ZNF407: variants seen among roughly 807,000 people sequenced by gnomAD.
ZNF407 encodes zinc finger protein 407.
A neutral mutation model predicts 131.2 loss-of-function variants in ZNF407; 17 were observed. That is an observed-to-expected ratio of 0.13 (90% CI 0.09 to 0.19). The LOEUF is 0.19. ZNF407 is among the 10% of genes least tolerant of loss of function. The pLI is 1.00. For synonymous variants in ZNF407, 1,156 were observed against 1,062.0 expected (o/e 1.09, Z -1.72); for missense variants, 2,681 against 2,830.6 (o/e 0.95, Z 1.20).
chr18:75,010,165 TA>T (rs1568299786), intron 8 of ZNF407, among the ~76,000 whole-genome samples: 1 of 152,200 alleles, frequency 6.6e-6, no homozygotes, highest in African/African-American at 2.4e-5. Context: ...TGTTTGCTAA[TA>T]AAGGACAACC....
chr18:74,724,770 T>TA (rs1968118442), intron 3 of ZNF407, among the ~76,000 whole-genome samples: 1 of 152,210 alleles, frequency 6.6e-6, no homozygotes, highest in Non-Finnish European at 1.5e-5. Context: ...CACAGTTTTT[T>TA]GCCTTTATAT....
intron 3 of ZNF407, among the ~76,000 whole-genome samples, chr18:74,692,449 TG>T (rs1213359229): frequency 1.3e-5 from 2 of 152,104 alleles, no homozygotes; most frequent in African/African-American, 2.4e-5. Context: ...ATCTTGCTTT[TG>T]GTCAGTGGCA....
Position 75,031,792 on chromosome 18 carries a change from G to T in ZNF407, c.5429-31358G>T, listed in dbSNP as rs139152043. On this transcript the variant is annotated intron_variant, in intron 8 of 8. Coordinates refer to ENST00000299687, the MANE Select transcript of ZNF407 (RefSeq NM_017757.3). ...AAGTTGTACACAAGGTAATGTTCCAGGAATTGTGGGCAATTACAGGATTTC... is the reference window on the plus strand; with the variant it reads ...AAGTTGTACACAAGGTAATGTTCCATGAATTGTGGGCAATTACAGGATTTC... Among the ~76,000 whole-genome samples, 34 of 152,254 alleles carry T rather than the reference G, an allele frequency of 2.2e-4. No individual in the cohort carries two copies. In the East Asian group the frequency reaches 2.7e-3, roughly 12 times the overall value.
chr18:74,648,298 G>T (rs1448726283), intron 3 of ZNF407, among the ~76,000 whole-genome samples: 1 of 152,150 alleles, frequency 6.6e-6, no homozygotes. Context: ...TGGCGTGCGG[G>T]ATGTGCACGA....
At chr18:74,820,152 G>A (rs938237420) in intron 4 of ZNF407, among the ~76,000 whole-genome samples, 3 of 152,214 alleles carry the variant, frequency 2.0e-5, no homozygotes, top group Admixed American at 6.5e-5. Flanking sequence ...GAAGCAGTTG[G>A]AAGACAGGAC....
intron 3 of ZNF407, among the ~76,000 whole-genome samples, chr18:74,728,800 T>C (rs1382878587): frequency 1.3e-5 from 2 of 152,108 alleles, no homozygotes; most frequent in Non-Finnish European, 2.9e-5. Flanking sequence ...CTGGGGAGGC[T>C]CATCACAAGG....
chr18:74,648,473 T>C (rs995970096), intron 3 of ZNF407, among the ~76,000 whole-genome samples: 1 of 152,176 alleles, frequency 6.6e-6, no homozygotes, highest in Non-Finnish European at 1.5e-5. Context: ...TTTTTTCGCT[T>C]GTCTTTCTTC....
intron 4 of ZNF407, among the ~76,000 whole-genome samples, chr18:74,855,162 A>ACAAG (rs1800832617): frequency 6.6e-6 from 1 of 152,204 alleles, no homozygotes; most frequent in African/African-American, 2.4e-5. Context: ...TGGCCTCAGT[A>ACAAG]CAAGACATTT....
intron 3 of ZNF407, among the ~76,000 whole-genome samples, chr18:74,691,554 T>G (rs906291996): frequency 2.6e-5 from 4 of 152,034 alleles, no homozygotes; most frequent in Non-Finnish European, 5.9e-5. Flanking sequence ...TTTTATTGAT[T>G]TGTACTCTTT....
At chr18:74,881,010 C>T (rs1228554218) in intron 5 of ZNF407, 26 bp from the exon 6 acceptor site, 2 of 1,576,202 alleles carry the variant, frequency 1.3e-6, no homozygotes, top group East Asian at 2.3e-5. Flanking sequence ...CCTCCGCAGT[C>T]CCTCATCTGT....
chr18:74,622,968 G>A (rs1983597817), intron 1 of ZNF407, among the ~76,000 whole-genome samples: 1 of 152,092 alleles, frequency 6.6e-6, no homozygotes, highest in Admixed American at 6.6e-5. Context: ...GTATCTGAGT[G>A]CGTGTGTCAG....
intron 8 of ZNF407, among the ~76,000 whole-genome samples, chr18:74,999,917 A>G (rs953711026): frequency 6.6e-6 from 1 of 152,216 alleles, no homozygotes; most frequent in Non-Finnish European, 1.5e-5. Context: ...GGCTAACATG[A>G]TAGCTTGTGA....
rs1984155085 is a variant in ZNF407 at position 74,632,401 on chromosome 18, T to C, written c.1382T>C (p.Met461Thr). ...ACAAGTGAAACTCAGAGGATGTATATGAAACACTTGAGAACACAGATGAAA... is the reference window on the plus strand; with the variant it reads ...ACAAGTGAAACTCAGAGGATGTATACGAAACACTTGAGAACACAGATGAAA... ...RGTSETQRMY[M>T]KHLRTQMKTH... The change falls in exon 2 of 9, where the codon ATG (methionine) becomes ACG (threonine). Residue 461 changes from methionine (M) to threonine (T), a missense_variant. Coordinates refer to ENST00000299687, the MANE Select transcript of ZNF407 (RefSeq NM_017757.3). The C allele has an allele frequency of 1.2e-6, 2 of 1,614,044 alleles. No homozygotes were observed. The highest frequency in any genetic ancestry group is 2.2e-5 in the South Asian group (2 of 91,090).
At chr18:74,626,658 G>A (rs1983799437) in intron 1 of ZNF407, among the ~76,000 whole-genome samples, 1 of 152,170 alleles carries the variant, frequency 6.6e-6, no homozygotes, top group African/African-American at 2.4e-5. Flanking sequence ...ATGTCTATCA[G>A]CAGAATTGTG....
chr18:74,665,687 G>T (rs758744214), intron 3 of ZNF407, among the ~76,000 whole-genome samples: 8 of 152,074 alleles, frequency 5.3e-5, no homozygotes, highest in Non-Finnish European at 1.0e-4. Context: ...AGCAAACCGT[G>T]TACTGCTTAG....
At chr18:74,611,008 T>G (rs906851692) in intron 1 of ZNF407, among the ~76,000 whole-genome samples, 1 of 152,236 alleles carries the variant, frequency 6.6e-6, no homozygotes, top group Non-Finnish European at 1.5e-5. Context: ...GAAGTAATGG[T>G]TAACACCTAA....
chr18:74,606,283 C>T (rs1178004601), intron 1 of ZNF407, among the ~76,000 whole-genome samples: 1 of 151,968 alleles, frequency 6.6e-6, no homozygotes, highest in Non-Finnish European at 1.5e-5. Flanking sequence ...GGTTGAAGCT[C>T]ATCATGTGTG....
At chr18:75,024,638 C>T (rs1046648514) in intron 8 of ZNF407, among the ~76,000 whole-genome samples, 1 of 152,146 alleles carries the variant, frequency 6.6e-6, no homozygotes, top group Non-Finnish European at 1.5e-5. Flanking sequence ...AAGGAATTAT[C>T]TTGAATAATT....
intron 3 of ZNF407, among the ~76,000 whole-genome samples, chr18:74,764,904 G>C (rs1201651113): frequency 6.6e-6 from 1 of 152,172 alleles, no homozygotes; most frequent in Non-Finnish European, 1.5e-5. Flanking sequence ...TATTTATTAA[G>C]TGGAAGTGAA....
Sources: gnomAD v4.1 joint callset for allele counts (sites outside exome capture counted in the v4.1 genomes callset) on GRCh38, gnomAD v4.1.1 for gene constraint, MANE v1.5 for transcripts, NCBI Gene and HGNC (gene_info 2026-07-23, HGNC 2026-07-21) for gene names.